The following ARFGAP1 variants were observed in gnomAD, a reference collection of about 807,000 sequenced individuals.
The protein encoded by ARFGAP1 is ADP-ribosylation factor GTPase-activating protein 1.
In ARFGAP1, 26 loss-of-function variants were observed where a neutral mutation model predicts 54.0. That is an observed-to-expected ratio of 0.48 (90% CI 0.35 to 0.67). ARFGAP1 has a LOEUF of 0.67. Among genes scored for constraint, ARFGAP1 ranks in the 30% least tolerant of loss-of-function variants. The pLI, the probability that ARFGAP1 is intolerant of heterozygous loss-of-function variation, is 0.00. For missense variants in ARFGAP1, 525 were observed against 535.8 expected, an observed-to-expected ratio of 0.98 and a Z score of 0.20; for synonymous variants, 248 against 211.9, an observed-to-expected ratio of 1.17 and a Z score of -1.48.
chr20:63,277,121 G>GT, intron 4 of ARFGAP1, 84 bp from the exon 5 acceptor site: 1 of 1,235,696 alleles, frequency 8.1e-7, no homozygotes, highest in Non-Finnish European at 1.1e-6. Context: ...CAGGCGGGCC[G>GT]TGGGGGGTGC....
rs1601343366 is a variant in ARFGAP1 at position 63,278,927 on chromosome 20, G to C, written c.559G>C (p.Gly187Arg). The C allele has an allele frequency of 1.2e-6, 2 of 1,614,146 alleles. No individual in the cohort carries two copies. Among genetic ancestry groups the C allele is most frequent in the Non-Finnish European group, 1.7e-6 (2 of 1,180,024 alleles). ...CCAGGGGAATCGCTACGTGGGGTTT[G>C]GGAACACGCCACCGCCTCAGAAGAA... ...GAQGNRYVGF[G>R]NTPPPQKKED... The change falls in exon 7 of 13, where the codon GGG becomes CGG. Residue 187 changes from glycine (G) to arginine (R), a missense_variant. Gly to Arg is a moderately radical substitution (Grantham distance 125). Coordinates refer to ENST00000370283, the MANE Select transcript of ARFGAP1 (RefSeq NM_018209.4).
rs906146902 is a variant in ARFGAP1 at position 63,278,571 on chromosome 20, C to G, written c.531-328C>G. ...TAACACTTAGAAGAAAAGCATAACA[C>G]ATTTTCTGCGTGGAATCTGCTGGAC... On this transcript the variant is annotated intron_variant, in intron 6 of 12. Transcript: ENST00000370283. 9.9e-5 allele frequency: 46 copies of G among 466,972 alleles called. No homozygotes were observed. In the South Asian group the frequency reaches 1.2e-3, roughly 12 times the overall value. 28.9% of individuals were successfully genotyped at this position (466,972 alleles called of 1,614,324 possible).
Position 63,277,128 on chromosome 20 carries a change from G to A in ARFGAP1, c.343-77G>A, listed in dbSNP as rs990674324. ...GGGTGCTCCAGGCGGGCCGTGGGGG[G>A]TGCGCTGGAGTCGACGGTGCCCGAG... is the stretch of plus-strand genomic sequence containing the variant. On this transcript the variant is annotated intron_variant, in intron 4 of 12. Coordinates refer to ENST00000370283, the MANE Select transcript of ARFGAP1 (RefSeq NM_018209.4). The A allele has an allele frequency of 4.6e-6, 6 of 1,293,996 alleles. No homozygotes were observed. The South Asian group carries it at 7.6e-5, about 16-fold the overall frequency. The allele number at this position is 1,293,996 out of a possible 1,614,324, so 80.2% of individuals were successfully genotyped here.
chr20:63,276,745 G>A lies in ARFGAP1; in HGVS notation c.342+94G>A, dbSNP rs1313188472. On this transcript the variant is annotated intron_variant, in intron 4 of 12. Transcript: ENST00000370283. This position sits in a 1 kb window ranked among gnomAD's most constrained non-coding sequence, Gnocchi z 5.2. ...GTGGCCTTTAGTGGTTCTGGAGTCG[G>A]TTCTTCTGCTGGTTCTGACACACCC... The A allele has an allele frequency of 1.3e-5, 18 of 1,392,714 alleles. No homozygotes were observed. In the East Asian group the frequency reaches 1.5e-4, roughly 11 times the overall value. The allele number at this position is 1,392,714 out of a possible 1,614,324, so 86.3% of individuals were successfully genotyped here.
In ARFGAP1 at chr20:63,287,996, G is replaced by T; in HGVS notation, c.*123G>T. On this transcript the variant is annotated 3_prime_UTR_variant, in exon 13 of 13. Coordinates refer to ENST00000370283, the MANE Select transcript of ARFGAP1 (RefSeq NM_018209.4). ...AACTGCAGTGTGAGGACAGCGTCTC[G>T]GGAGGCAGGACCCTAGGGAGACCCG... is the stretch of plus-strand genomic sequence containing the variant. The T allele has an allele frequency of 8.4e-7, 1 of 1,188,022 alleles. No individual in the cohort carries two copies. The highest frequency in any genetic ancestry group is 1.6e-5 in the South Asian group (1 of 63,522). 73.6% of individuals were successfully genotyped at this position (1,188,022 alleles called of 1,614,324 possible). A position where few individuals can be genotyped will look rare whatever the true frequency, so the allele number is the denominator to read the frequency against.
intron 8 of ARFGAP1, 128 bp from the exon 9 acceptor site, chr20:63,282,691 G>T: frequency 1.1e-6 from 1 of 892,186 alleles, no homozygotes; most frequent in African/African-American, 1.6e-5. Context: ...TATAGGGCCC[G>T]CCCAGAGCCG....
chr20:63,286,412 T>A lies in ARFGAP1; in HGVS notation c.881T>A (p.Phe294Tyr). 1 of 1,613,506 alleles carries A rather than the reference T, an allele frequency of 6.2e-7. No homozygotes were observed. Among genetic ancestry groups the A allele is most frequent in the Non-Finnish European group, 8.5e-7 (1 of 1,179,992 alleles). The change falls in exon 12 of 13, where the codon TTT becomes TAT. Residue 294 changes from phenylalanine to tyrosine, a missense_variant. Physicochemically the swap from Phe to Tyr is conservative, Grantham distance 22. Transcript: ENST00000370283. ...GGATGGCGGGACGTCACCACCTTTT[T>A]TTCGGGGAAAGCAGAGGGCCCCTTG... is the stretch of plus-strand genomic sequence containing the variant. Reference protein sequence around the residue: ...SKGWRDVTTFFSGKAEGPLDS... With the variant: ...SKGWRDVTTFYSGKAEGPLDS...
At chr20:63,283,567 C>T (rs2067442226) in intron 9 of ARFGAP1, 1 of 475,354 alleles carries the variant, frequency 2.1e-6, no homozygotes, top group African/African-American at 2.0e-5. Flanking sequence ...ACCCCTTCCT[C>T]TCTGAGGGAG....
At chr20:63,286,011 A>G (rs568462884) in intron 11 of ARFGAP1, 189 of 1,541,314 alleles carry the variant, frequency 1.2e-4, no homozygotes, top group Non-Finnish European at 1.5e-4. Context: ...CATCAGTCCC[A>G]CTGCTCTGCG....
chr20:63,287,849 T>C lies in ARFGAP1; in HGVS notation c.1197T>C (p.Asp399=), dbSNP rs374154849. The change falls in exon 13 of 13, where the codon GAT becomes GAC. Residue 399 remains aspartate (D), a synonymous_variant. Coordinates refer to ENST00000370283, the MANE Select transcript of ARFGAP1 (RefSeq NM_018209.4). ...TGCCGCCGGCCGTGCCCACTGATGA[T>C]GGCTGGGACAACCAGAACTGGTAGG... ...KAVPPAVPTD[D]GWDNQNW 5 of 1,558,916 alleles carry C rather than the reference T, an allele frequency of 3.2e-6. No individual in the cohort carries two copies. The highest frequency in any genetic ancestry group is 4.3e-6 in the Non-Finnish European group (5 of 1,151,628).
At chr20:63,283,763 C>A (rs552119206) in intron 9 of ARFGAP1, 1 of 1,485,734 alleles carries the variant, frequency 6.7e-7, no homozygotes, top group African/African-American at 1.4e-5. Flanking sequence ...GTTGCGGCAC[C>A]CCATGGTGGG....
chr20:63,278,204 G>A lies in ARFGAP1; in HGVS notation c.530+1G>A. On this transcript the variant is annotated splice_donor_variant, in intron 6 of 12. Transcript: ENST00000370283. LOFTEE classifies it high-confidence loss of function. Reference sequence around the variant, plus strand: ...ATGATGACCTCGGCTCCTATCAAGGGTAAGGACTTGAGAGCTGGGGACGCC... The same window carrying A: ...ATGATGACCTCGGCTCCTATCAAGGATAAGGACTTGAGAGCTGGGGACGCC... 1 of 1,612,964 alleles carries A rather than the reference G, an allele frequency of 6.2e-7. No homozygotes were observed. Among genetic ancestry groups the A allele is most frequent in the African/African-American group, 1.3e-5 (1 of 75,078 alleles).
At position 63,278,940 on chromosome 20, in the gene ARFGAP1, C is replaced by G; in HGVS notation, c.572C>G (p.Pro191Arg). ...TACGTGGGGTTTGGGAACACGCCAC[C>G]GCCTCAGAAGAAAGAAGATGACTTC... ...NRYVGFGNTP[P>R]PQKKEDDFLN... The change falls in exon 7 of 13, where the codon CCG (proline) becomes CGG (arginine). Residue 191 changes from proline to arginine, a missense_variant. Around this residue, in one of 3 missense-constraint regions of ARFGAP1, gnomAD observed 466 missense variants for 453.6 expected, o/e 1.03. Coordinates refer to ENST00000370283, the MANE Select transcript of ARFGAP1 (RefSeq NM_018209.4). The G allele has an allele frequency of 6.2e-7, 1 of 1,614,120 alleles. No homozygotes were observed. Among genetic ancestry groups the G allele is most frequent in the Non-Finnish European group, 8.5e-7 (1 of 1,180,034 alleles).
chr20:63,285,749 G>T, intron 11 of ARFGAP1, 36 bp downstream of exon 11: 1 of 1,606,268 alleles, frequency 6.2e-7, no homozygotes, highest in South Asian at 1.1e-5. Context: ...CACAGTCGAA[G>T]CCAGTCTCCA....
chr20:63,287,548 T>G lies in ARFGAP1; in HGVS notation c.912-16T>G, dbSNP rs758748003. 105 of 1,565,006 alleles carry G rather than the reference T, an allele frequency of 6.7e-5. 1 individual carries two copies. In the South Asian group the frequency reaches 1.1e-3, roughly 16 times the overall value. ...AGTAACAGTCATTTAGAGTCCCCCT[T>G]CTGTCTCTTTAAAAGCCCCTCGGAG... On this transcript the variant is annotated splice_polypyrimidine_tract_variant and intron_variant, in intron 12 of 12. Transcript: ENST00000370283.
At position 63,276,869 on chromosome 20, in the gene ARFGAP1, G is replaced by A; in HGVS notation, c.342+218G>A. On this transcript the variant is annotated intron_variant, in intron 4 of 12. Coordinates refer to ENST00000370283, the MANE Select transcript of ARFGAP1 (RefSeq NM_018209.4). This position sits in a 1 kb window ranked among gnomAD's most constrained non-coding sequence, Gnocchi z 5.2. ...GGAGACAGACCTTCCCCGCCTCCAGGGGAGAAAGCAGCTGTGACCGTTTAT... is the reference window on the plus strand; with the variant it reads ...GGAGACAGACCTTCCCCGCCTCCAGAGGAGAAAGCAGCTGTGACCGTTTAT... 3.5e-6 allele frequency: 2 copies of A among 573,688 alleles called. No individual in the cohort carries two copies. Among genetic ancestry groups the A allele is most frequent in the Non-Finnish European group, 6.1e-6 (2 of 328,498 alleles). 35.5% of individuals were successfully genotyped at this position (573,688 alleles called of 1,614,324 possible).
intron 6 of ARFGAP1, chr20:63,278,652 T>G: frequency 1.8e-6 from 1 of 546,306 alleles, no homozygotes; most frequent in Admixed American, 3.4e-5. Flanking sequence ...TGATCCTTCT[T>G]CTAGTACTTC....
intron 5 of ARFGAP1, among the ~76,000 whole-genome samples, chr20:63,277,557 G>C (rs1052506728): frequency 1.3e-5 from 2 of 152,234 alleles, no homozygotes; most frequent in African/African-American, 4.8e-5. Context: ...AGCCGTGTCT[G>C]CCGTGGCGCT....
At chr20:63,285,623 C>G (rs1167582113) in intron 10 of ARFGAP1, 31 bp from the exon 11 acceptor site, 1 of 1,609,268 alleles carries the variant, frequency 6.2e-7, no homozygotes, top group East Asian at 2.2e-5. Context: ...CTCTCCCGCC[C>G]CCATTAATGC....
Sources: allele counts gnomAD v4.1 joint callset (sites outside exome capture counted in the v4.1 genomes callset), GRCh38; gene constraint gnomAD v4.1.1; regional missense constraint gnomAD v4.1.1; non-coding constraint Gnocchi (gnomAD v3.1); transcripts MANE v1.5; gene names NCBI Gene and HGNC (gene_info 2026-07-23, HGNC 2026-07-21).